The following FAM89A variants were observed in gnomAD, a reference collection of about 807,000 sequenced individuals.
FAM89A encodes the protein protein FAM89A.
FAM89A carries 10 observed loss-of-function variants against 7.1 expected under a neutral mutation model. The observed-to-expected ratio is 1.40, with a 90% confidence interval of 0.86 to 2.38. The LOEUF (loss-of-function observed/expected upper bound fraction) is 2.38. Ranked by LOEUF, FAM89A falls within the 30% of genes most tolerant of loss-of-function variation. The probability of loss-of-function intolerance (pLI) is 0.00; values close to 1 mark genes in which losing one functional copy is unlikely to be tolerated. For missense variants in FAM89A, 276 were observed against 262.8 expected (o/e 1.05, Z -0.35); for synonymous variants, 157 against 129.3 (o/e 1.21, Z -1.45).
chr1:231,023,503 T>C (rs1679915137), intron 1 of FAM89A, among the ~76,000 whole-genome samples: 1 of 152,198 alleles, frequency 6.6e-6, no homozygotes, highest in Admixed American at 6.5e-5. Context: ...AGCCTTTTCG[T>C]GTGAAACATC....
chr1:231,034,770 C>CT (rs1680132054), intron 1 of FAM89A, among the ~76,000 whole-genome samples: 2 of 33,146 alleles, frequency 6.0e-5, no homozygotes, highest in South Asian at 3.0e-3. Flanking sequence ...GAAACTCTGT[C>CT]TCAAAAAAAA....
At chr1:231,026,578 G>T (rs6668695) in intron 1 of FAM89A, 2 of 152,166 alleles carry the variant, frequency 1.3e-5, no homozygotes, top group African/African-American at 4.8e-5. Flanking sequence ...TTAATCTGAA[G>T]GTCATTTACT....
intron 1 of FAM89A, among the ~76,000 whole-genome samples, chr1:231,034,544 G>T (rs187647022): frequency 6.6e-6 from 1 of 151,818 alleles, no homozygotes; most frequent in Non-Finnish European, 1.5e-5. Flanking sequence ...AGGCTGAAGC[G>T]GGCGGATCAT....
chr1:231,022,103 G>C, intron 1 of FAM89A: 1 of 1,373,982 alleles, frequency 7.3e-7, no homozygotes, highest in South Asian at 1.2e-5. Context: ...GTGCCTCCGT[G>C]ATTCCCTGAA....
At chr1:231,034,503 T>C (rs1212336441) in intron 1 of FAM89A, among the ~76,000 whole-genome samples, 7 of 152,204 alleles carry the variant, frequency 4.6e-5, no homozygotes, top group Admixed American at 4.6e-4. Context: ...CTGAGCACAG[T>C]GGCTCACGCC....
At chr1:231,031,966 G>T (rs1347535621) in intron 1 of FAM89A, among the ~76,000 whole-genome samples, 1 of 152,172 alleles carries the variant, frequency 6.6e-6, no homozygotes, top group African/African-American at 2.4e-5. Context: ...AGAGAAGAAT[G>T]CCCAAGGCGC....
At chr1:231,023,496 C>G (rs1679914951) in intron 1 of FAM89A, among the ~76,000 whole-genome samples, 1 of 152,206 alleles carries the variant, frequency 6.6e-6, no homozygotes, top group South Asian at 2.1e-4. Context: ...AACAAACAGC[C>G]TTTTCGTGTG....
chr1:231,035,801 A>G (rs1485300153), intron 1 of FAM89A, among the ~76,000 whole-genome samples: 2 of 152,234 alleles, frequency 1.3e-5, no homozygotes, highest in African/African-American at 4.8e-5. Context: ...TCTGCAGTAG[A>G]TGTCTACTAC....
At chr1:231,022,288 G>A (rs1187338460) in intron 1 of FAM89A, 5 of 706,868 alleles carry the variant, frequency 7.1e-6, no homozygotes, top group Non-Finnish European at 1.3e-5. Flanking sequence ...ACCCACGTCT[G>A]ATATGTAAAC....
At chr1:231,024,157 T>C (rs995592294) in intron 1 of FAM89A, among the ~76,000 whole-genome samples, 2 of 151,468 alleles carry the variant, frequency 1.3e-5, no homozygotes, top group African/African-American at 2.4e-5. Flanking sequence ...TGCTTTGGAC[T>C]CCTCTGCTAG....
rs1680241894 is a variant in FAM89A, at chr1:231,040,243, C to G, written c.-32G>C. 2 of 1,030,052 alleles carry G rather than the reference C, an allele frequency of 1.9e-6. No individual in the cohort carries two copies. The highest frequency in any genetic ancestry group is 2.3e-6 in the Non-Finnish European group (2 of 860,904). 63.8% of individuals were successfully genotyped at this position (1,030,052 alleles called of 1,614,324 possible). On this transcript the variant is annotated 5_prime_UTR_variant, in exon 1 of 2. Transcript: ENST00000366654. ...GCGGCCCGGCCACGCGCCTGCCCCG[C>G]TGCAGCGAACCAAGGCTTTCCCCCG...
chr1:231,029,908 G>A (rs938093398), intron 1 of FAM89A, among the ~76,000 whole-genome samples: 9 of 152,202 alleles, frequency 5.9e-5, no homozygotes, highest in African/African-American at 1.7e-4. Context: ...AGAAAGCAGA[G>A]ATCCAATCGA....
intron 1 of FAM89A, among the ~76,000 whole-genome samples, chr1:231,039,318 G>C (rs1193301018): frequency 2.0e-5 from 3 of 152,212 alleles, no homozygotes; most frequent in African/African-American, 7.2e-5. Flanking sequence ...AATCAGCTTC[G>C]CGGGGCTGAG....
Position 231,029,732 on chromosome 1 carries a change from G to A in FAM89A, c.292-9606C>T, listed in dbSNP as rs192277410. On this transcript the variant is annotated intron_variant, in intron 1 of 1. Transcript: ENST00000366654. The stretch of plus-strand genomic sequence containing the variant: ...TTCTGAATTTTCTAAGTTTTCTATT[G>A]TGAAAATGTATTAACAATGAGAAAA... Among the ~76,000 whole-genome samples, 795 of 152,280 alleles carry A rather than the reference G, an allele frequency of 5.2e-3. 3 individuals carry two copies. The highest frequency in any genetic ancestry group is 0.024 in the Middle Eastern group (7 of 294).
In FAM89A at chr1:231,019,657, C is replaced by T. The variant is rs2103068586; in HGVS notation, c.*206G>A. 1 of 591,178 alleles carries T rather than the reference C, an allele frequency of 1.7e-6. No homozygotes were observed. Among genetic ancestry groups the T allele is most frequent in the Middle Eastern group, 4.5e-4 (1 of 2,200 alleles). 36.6% of individuals were successfully genotyped at this position (591,178 alleles called of 1,614,324 possible). A position where few individuals can be genotyped will look rare whatever the true frequency, so the allele number is the denominator to read the frequency against. ...GATACTGCTGAGGACCTCTAGGTCACCTAAGCAGAAACTGCTGCCATCAAA... is the reference window on the plus strand; with the variant it reads ...GATACTGCTGAGGACCTCTAGGTCATCTAAGCAGAAACTGCTGCCATCAAA... On this transcript the variant is annotated 3_prime_UTR_variant, in exon 2 of 2. Transcript: ENST00000366654.
rs1253010662 is a variant in FAM89A at position 231,039,995 on chromosome 1, C to G, written c.217G>C (p.Gly73Arg). The G allele has an allele frequency of 7.2e-7, 1 of 1,387,006 alleles. No homozygotes were observed. Among genetic ancestry groups the G allele is most frequent in the African/African-American group, 1.5e-5 (1 of 65,798 alleles). 85.9% of individuals were successfully genotyped at this position (1,387,006 alleles called of 1,614,324 possible). A position where few individuals can be genotyped will look rare whatever the true frequency, so the allele number is the denominator to read the frequency against. Residue 73 changes from glycine to arginine, a missense_variant, in exon 1 of 2, where the codon GGG (glycine) becomes CGG (arginine). Gly to Arg is a moderately radical substitution (Grantham distance 125). Transcript: ENST00000366654. The stretch of plus-strand genomic sequence containing the variant: ...GCGGGCAGCGCTGCCGCCCGGGCCC[C>G]GCCGCCGCCCGGGCCCCCGCGGCTC... ...ELSRGGPGGG[G>R]ARAAALPAKP...
chr1:231,019,736 T>C lies in FAM89A; in HGVS notation c.*127A>G, dbSNP rs1177568060. 10 of 1,007,580 alleles carry C rather than the reference T, an allele frequency of 9.9e-6. No homozygotes were observed. Among genetic ancestry groups the C allele is most frequent in the Non-Finnish European group, 1.4e-5 (10 of 694,804 alleles). 62.4% of individuals were successfully genotyped at this position (1,007,580 alleles called of 1,614,324 possible). On this transcript the variant is annotated 3_prime_UTR_variant, in exon 2 of 2. Transcript: ENST00000366654. ...ACTCCCTGCCTACAAATGAAACTGG[T>C]AGCGCTCATCCCCTGTGCCCGAGGA...
rs375238321 is a variant in FAM89A at position 231,019,835 on chromosome 1, C to T, written c.*28G>A. The T allele has an allele frequency of 8.0e-4, 1,282 of 1,599,790 alleles. 1 individual carries two copies. Among genetic ancestry groups the T allele is most frequent in the Non-Finnish European group, 1.0e-3 (1,193 of 1,170,252 alleles). ...CAGCGTGTCCAGTAGGAAGGGCTTCCCAACAGTCACATCCCTCCCAAGACC... is the reference window on the plus strand; with the variant it reads ...CAGCGTGTCCAGTAGGAAGGGCTTCTCAACAGTCACATCCCTCCCAAGACC... On this transcript the variant is annotated 3_prime_UTR_variant, in exon 2 of 2. Coordinates refer to ENST00000366654, the MANE Select transcript of FAM89A (RefSeq NM_198552.3).
At chr1:231,034,288 T>C (rs1182326585) in intron 1 of FAM89A, among the ~76,000 whole-genome samples, 1 of 152,190 alleles carries the variant, frequency 6.6e-6, no homozygotes, top group Non-Finnish European at 1.5e-5. Context: ...CATAGAGGCA[T>C]GAGGGGTAAA....
Sources: gnomAD v4.1 joint callset for allele counts (sites outside exome capture counted in the v4.1 genomes callset) on GRCh38, gnomAD v4.1.1 for gene constraint, MANE v1.5 for transcripts, NCBI Gene and HGNC (gene_info 2026-07-23, HGNC 2026-07-21) for gene names.